The following ZBTB20 variants were observed in gnomAD, a reference collection of about 807,000 sequenced individuals.
ZBTB20 encodes zinc finger and BTB domain containing 20.
In ZBTB20, 9 loss-of-function variants were observed where a neutral mutation model predicts 56.9. That is an observed-to-expected ratio of 0.16 (90% CI 0.10 to 0.28). The LOEUF is 0.28. Ranked by LOEUF, ZBTB20 falls within the 10% of genes least tolerant of loss-of-function variation. The pLI is 1.00. For synonymous variants in ZBTB20, 417 were observed against 420.7 expected (o/e 0.99, Z 0.11); for missense variants, 655 against 1,003.0 (o/e 0.65, Z 4.69).
chr3:114,539,702 TTC>T (rs1239856887), intron 6 of ZBTB20, among the ~76,000 whole-genome samples: 1 of 152,098 alleles, frequency 6.6e-6, no homozygotes, highest in Non-Finnish European at 1.5e-5. Context: ...TCGTGTCATA[TTC>T]TGTTTTTATC....
chr3:114,796,953 GA>G (rs2071377002), intron 5 of ZBTB20, among the ~76,000 whole-genome samples: 1 of 151,828 alleles, frequency 6.6e-6, no homozygotes, highest in Admixed American at 6.6e-5. Context: ...GTCAAGTCAT[GA>G]GAAGAGTATG....
At position 115,017,585 on chromosome 3, in the gene ZBTB20, CTG is replaced by C. The variant is rs373553185; in HGVS notation, c.-506-43171_-506-43170del. On this transcript the variant is annotated intron_variant, in intron 2 of 11. Coordinates refer to ENST00000675478, the MANE Select transcript of ZBTB20 (RefSeq NM_001348800.3). ...TTATTTAGATAGATCAAAAAAAATG[CTG>C]TCACAGAGAGATGTGAATTGAACTA... Among the ~76,000 whole-genome samples the C allele has an allele frequency of 4.4e-3, 668 of 151,500 alleles. 4 individuals carry two copies. The highest frequency in any genetic ancestry group is 0.015 in the African/African-American group (637 of 41,416).
At chr3:115,066,082 C>T (rs1051927040) in intron 2 of ZBTB20, among the ~76,000 whole-genome samples, 2 of 152,168 alleles carry the variant, frequency 1.3e-5, no homozygotes, top group African/African-American at 2.4e-5. Flanking sequence ...CCTTATTCAG[C>T]TTCAGCATAA....
intron 4 of ZBTB20, among the ~76,000 whole-genome samples, chr3:114,830,546 C>A (rs534329318): frequency 6.6e-6 from 1 of 151,804 alleles, no homozygotes; most frequent in South Asian, 2.1e-4. Flanking sequence ...ATACCCTGAG[C>A]ACTTATTATG....
chr3:115,028,348 GA>G (rs2080512949), intron 2 of ZBTB20, among the ~76,000 whole-genome samples: 1 of 150,610 alleles, frequency 6.6e-6, no homozygotes, highest in South Asian at 2.1e-4. Flanking sequence ...ATTAGGACTG[GA>G]TGCAAGTGTA....
chr3:114,533,873 A>G (rs2048147153), intron 6 of ZBTB20, among the ~76,000 whole-genome samples: 1 of 152,244 alleles, frequency 6.6e-6, no homozygotes, highest in Non-Finnish European at 1.5e-5. Flanking sequence ...CCAGAATTTC[A>G]TATCCAGCCA....
At chr3:115,004,686 T>C (rs1425578976) in intron 2 of ZBTB20, among the ~76,000 whole-genome samples, 1 of 151,780 alleles carries the variant, frequency 6.6e-6, no homozygotes, top group Non-Finnish European at 1.5e-5. Context: ...TTTTTTCTTT[T>C]GCTCTATATT....
At chr3:114,857,093 C>T (rs2075286999) in intron 4 of ZBTB20, among the ~76,000 whole-genome samples, 2 of 152,134 alleles carry the variant, frequency 1.3e-5, no homozygotes, top group Non-Finnish European at 2.9e-5. Flanking sequence ...TCATACAGCA[C>T]ATAATCTCAT....
chr3:114,704,170 T>C (rs1469859004), intron 5 of ZBTB20, among the ~76,000 whole-genome samples: 1 of 152,136 alleles, frequency 6.6e-6, no homozygotes, highest in African/African-American at 2.4e-5. Context: ...GACAGTGTCA[T>C]TCAGTCAATA....
intron 5 of ZBTB20, among the ~76,000 whole-genome samples, chr3:114,696,815 G>T (rs1179057827): frequency 6.6e-6 from 1 of 151,980 alleles, no homozygotes; most frequent in African/African-American, 2.4e-5. Context: ...GAGAGAAAAA[G>T]AGAGAGAGAA....
intron 2 of ZBTB20, among the ~76,000 whole-genome samples, chr3:114,996,860 C>T (rs887805438): frequency 2.0e-5 from 3 of 151,758 alleles, no homozygotes; most frequent in African/African-American, 7.3e-5. Flanking sequence ...GACATTTATG[C>T]AGCCAATAAA....
At chr3:114,426,337 CAAAAAAAAAAAAAAAAAA>C (rs60778829) in intron 7 of ZBTB20, among the ~76,000 whole-genome samples, 6 of 109,540 alleles carry the variant, frequency 5.5e-5, no homozygotes, top group African/African-American at 4.3e-5. Context: ...GACTCCATCT[CAAAAAAAAAAAAAAAAAA>C]AAAAAAAAAA....
intron 6 of ZBTB20, among the ~76,000 whole-genome samples, chr3:114,643,335 A>G (rs9878038): frequency 0.12 from 17,659 of 151,998 alleles, 1,209 homozygotes; most frequent in Admixed American, 0.19. Context: ...AATTTTCTTC[A>G]TTTTCCATTG....
chr3:114,533,326 C>T (rs566019980), intron 6 of ZBTB20, among the ~76,000 whole-genome samples: 3 of 151,680 alleles, frequency 2.0e-5, no homozygotes, highest in African/African-American at 4.8e-5. Context: ...AAACATAGCA[C>T]GAGAAGTTCA....
intron 3 of ZBTB20, among the ~76,000 whole-genome samples, chr3:114,963,234 T>C (rs1293516489): frequency 6.6e-6 from 1 of 152,146 alleles, no homozygotes; most frequent in Non-Finnish European, 1.5e-5. Context: ...TAGAGAAGTT[T>C]AAGGTAAGTA....
chr3:114,707,128 T>C (rs1283924951), intron 5 of ZBTB20, among the ~76,000 whole-genome samples: 1 of 152,172 alleles, frequency 6.6e-6, no homozygotes, highest in Non-Finnish European at 1.5e-5. Context: ...ATGCACATTT[T>C]AATTAAGAGA....
In ZBTB20 at chr3:114,333,497, A is replaced by G. The variant is rs1248130964; in HGVS notation, c.*5508T>C. The G allele has an allele frequency of 6.6e-6, 1 of 152,214 alleles. No homozygotes were observed. The highest frequency in any genetic ancestry group is 1.5e-5 in the Non-Finnish European group (1 of 68,060). 9.4% of individuals were successfully genotyped at this position (152,214 alleles called of 1,614,324 possible). The stretch of plus-strand genomic sequence containing the variant: ...GTGGGAAGTTATGTCTAGCCCCAGA[A>G]GGCCTGGTGGCTGGGTCAGCTCAAG... On this transcript the variant is annotated 3_prime_UTR_variant, in exon 12 of 12. Coordinates refer to ENST00000675478, the MANE Select transcript of ZBTB20 (RefSeq NM_001348800.3).
chr3:114,683,362 G>A (rs1320252078), intron 6 of ZBTB20, among the ~76,000 whole-genome samples: 1 of 152,050 alleles, frequency 6.6e-6, no homozygotes, highest in Non-Finnish European at 1.5e-5. Flanking sequence ...ATGGAAGGTG[G>A]GAATCAGGCT....
chr3:114,613,840 G>A (rs554395127), intron 6 of ZBTB20, among the ~76,000 whole-genome samples: 1 of 152,232 alleles, frequency 6.6e-6, no homozygotes, highest in Admixed American at 6.5e-5. Context: ...AGTGAGTGAT[G>A]ATGAGGAGGA....
Sources: gnomAD v4.1 joint callset for allele counts (sites outside exome capture counted in the v4.1 genomes callset) on GRCh38, gnomAD v4.1.1 for gene constraint, MANE v1.5 for transcripts, NCBI Gene and HGNC (gene_info 2026-07-23, HGNC 2026-07-21) for gene names.